The following MYH11 variants were observed in gnomAD, a reference collection of about 807,000 sequenced individuals.
MYH11 encodes myosin-11.
Under a neutral mutation model 246.6 loss-of-function variants are expected in MYH11, and 80 were observed. That is an observed-to-expected ratio of 0.32 (90% confidence interval 0.27 to 0.39). MYH11 has a LOEUF of 0.39. Ranked by LOEUF, MYH11 falls within the 10% of genes least tolerant of loss-of-function variation. MYH11 has a pLI of 1.00. For synonymous variants in MYH11, 1,071 were observed against 1,015.5 expected (o/e 1.05, Z -1.04); for missense variants, 2,158 against 2,546.8 (o/e 0.85, Z 3.29).
chr16:15,784,114 G>A (rs530097198), intron 5 of MYH11, among the ~76,000 whole-genome samples: 2 of 152,208 alleles, frequency 1.3e-5, no homozygotes, highest in Admixed American at 6.5e-5. Context: ...AGTGCATCGC[G>A]ACCTCCAAGA....
intron 16 of MYH11, chr16:15,749,866 G>A: frequency 1.7e-6 from 1 of 585,722 alleles, no homozygotes; most frequent in Middle Eastern, 3.2e-4. Context: ...CCAGGACAGG[G>A]CAGAGCCCAG....
rs140267000 is a variant in MYH11, at chr16:15,823,286, G to A, written c.471C>T (p.Ile157=). ...RHEMPPHIYA[I]ADTAYRSMLQ... is the part of the protein sequence containing the mutation. ...GCATGCTCCGGTAGGCCGTGTCTGC[G>A]ATGGCGTAGATGTGAGGCGGCATCT... Residue 157 remains isoleucine (I), a synonymous_variant, in exon 3 of 41, where the codon ATC becomes ATT. Transcript: ENST00000300036. The A allele has an allele frequency of 1.8e-4, 297 of 1,614,104 alleles. 2 individuals are homozygous for A. In the East Asian group the frequency reaches 2.2e-3, roughly 12 times the overall value.
intron 40 of MYH11, among the ~76,000 whole-genome samples, chr16:15,708,433 G>A (rs1339807585): frequency 6.6e-6 from 1 of 152,220 alleles, no homozygotes; most frequent in East Asian, 1.9e-4. Context: ...GACAAGGGAG[G>A]ACAGCACTGC....
chr16:15,791,804 G>A (rs779019012), intron 4 of MYH11: 6 of 151,490 alleles, frequency 4.0e-5, no homozygotes, highest in Admixed American at 2.0e-4. Context: ...CTCCCAGGTA[G>A]CTGGGACTAC....
At chr16:15,709,206 G>A (rs2039641547) in intron 40 of MYH11, among the ~76,000 whole-genome samples, 1 of 152,106 alleles carries the variant, frequency 6.6e-6, no homozygotes, top group Non-Finnish European at 1.5e-5. Context: ...CTCCCAAGGT[G>A]CTGGGATTTG....
chr16:15,712,420 C>T (rs1183398602), intron 40 of MYH11, among the ~76,000 whole-genome samples: 2 of 151,938 alleles, frequency 1.3e-5, no homozygotes, highest in African/African-American at 2.4e-5. Context: ...GAGGCTGAGG[C>T]GGGTGGATCA....
At chr16:15,708,344 A>G (rs540933012) in intron 40 of MYH11, among the ~76,000 whole-genome samples, 15 of 152,334 alleles carry the variant, frequency 9.8e-5, no homozygotes, top group South Asian at 2.1e-4. Context: ...AGACCAGCCA[A>G]CTAGAAGCCA....
intron 3 of MYH11, among the ~76,000 whole-genome samples, chr16:15,808,176 G>A (rs192568584): frequency 6.6e-6 from 1 of 152,356 alleles, no homozygotes; most frequent in East Asian, 1.9e-4. Context: ...GATGCCAGAG[G>A]TTCTGGATCT....
intron 40 of MYH11, among the ~76,000 whole-genome samples, chr16:15,711,652 C>A (rs2039801537): frequency 6.6e-6 from 1 of 151,986 alleles, no homozygotes; most frequent in South Asian, 2.1e-4. Flanking sequence ...TATCTAGGAC[C>A]CGAGGGATAA....
chr16:15,832,637 G>C (rs1596924302), intron 2 of MYH11, among the ~76,000 whole-genome samples: 1 of 152,290 alleles, frequency 6.6e-6, no homozygotes, highest in Admixed American at 6.5e-5. Context: ...CTCTGTGTTA[G>C]CAGGTTGTAA....
At position 15,741,756 on chromosome 16, in the gene MYH11, G is replaced by C. The variant is rs753587262; in HGVS notation, c.2652+4C>G. The C allele has an allele frequency of 6.2e-7, 1 of 1,614,136 alleles. No homozygotes were observed. Among genetic ancestry groups the C allele is most frequent in the Non-Finnish European group, 8.5e-7 (1 of 1,180,036 alleles). On this transcript the variant is annotated splice_donor_region_variant and intron_variant, in intron 21 of 40. Coordinates refer to ENST00000300036, the MANE Select transcript of MYH11 (RefSeq NM_002474.3). The stretch of plus-strand genomic sequence containing the variant: ...CAACCCCAGCCATGCATCCATACAG[G>C]TACCTGCGAGTGCTTCTGTTCCAGC...
intron 2 of MYH11, among the ~76,000 whole-genome samples, chr16:15,830,873 T>C (rs963773687): frequency 6.6e-6 from 1 of 151,660 alleles, no homozygotes; most frequent in Non-Finnish European, 1.5e-5. Flanking sequence ...TGAGACTTTA[T>C]CACAAAAAAA....
At chr16:15,818,557 C>G (rs191593903) in intron 3 of MYH11, among the ~76,000 whole-genome samples, 1 of 152,004 alleles carries the variant, frequency 6.6e-6, no homozygotes, top group Non-Finnish European at 1.5e-5. Flanking sequence ...CTCAGCACCC[C>G]CTGAGTAGCT....
At chr16:15,805,361 C>T (rs942696680) in intron 3 of MYH11, among the ~76,000 whole-genome samples, 10 of 152,038 alleles carry the variant, frequency 6.6e-5, no homozygotes, top group Admixed American at 1.3e-4. Flanking sequence ...TAATTATCAT[C>T]ATTGTGATCC....
intron 40 of MYH11, among the ~76,000 whole-genome samples, chr16:15,707,045 G>A (rs2039495170): frequency 6.6e-6 from 1 of 151,994 alleles, no homozygotes; most frequent in Non-Finnish European, 1.5e-5. Flanking sequence ...GGAGAATCTG[G>A]AATTTTTTTT....
chr16:15,761,355 C>T (rs1045741994), intron 10 of MYH11, among the ~76,000 whole-genome samples: 6 of 152,176 alleles, frequency 3.9e-5, no homozygotes, highest in African/African-American at 1.2e-4. Flanking sequence ...TCAGGCAATC[C>T]GCCCACCTCG....
chr16:15,772,087 C>CTTTT (rs35008322), intron 8 of MYH11, among the ~76,000 whole-genome samples: 44 of 105,954 alleles, frequency 4.2e-4, no homozygotes, highest in East Asian at 6.6e-4. Context: ...AACCTTTACT[C>CTTTT]TTTTTTTTTT....
chr16:15,738,445 T>G, intron 24 of MYH11, 120 bp downstream of exon 24: 2 of 937,482 alleles, frequency 2.1e-6, no homozygotes, highest in Non-Finnish European at 3.1e-6. Flanking sequence ...CTTAGGAGTT[T>G]CGGGCTGCAG....
chr16:15,853,244 C>G (rs750206865), intron 1 of MYH11, among the ~76,000 whole-genome samples: 1 of 152,070 alleles, frequency 6.6e-6, no homozygotes, highest in Non-Finnish European at 1.5e-5. Flanking sequence ...CTCCTGGGCT[C>G]AAGCAATCCT....
Sources: gnomAD v4.1 joint callset for allele counts (sites outside exome capture counted in the v4.1 genomes callset) on GRCh38, gnomAD v4.1.1 for gene constraint, MANE v1.5 for transcripts, NCBI Gene and HGNC (gene_info 2026-07-23, HGNC 2026-07-21) for gene names.